The following BCAS3 variants were observed in gnomAD, a reference collection of about 807,000 sequenced individuals.
BCAS3 encodes the protein BCAS3 microtubule associated cell migration factor, also known as BCAS4/BCAS3 fusion.
In BCAS3, 53 loss-of-function variants were observed where a neutral mutation model predicts 116.1. The ratio of observed to expected loss-of-function variants is 0.46; its 90% CI spans 0.37 to 0.57. The LOEUF (loss-of-function observed/expected upper bound fraction) is 0.57, where lower values mean the gene tolerates loss of function less well. BCAS3 is among the 20% of genes least tolerant of loss of function. BCAS3 has a pLI of 0.00. For missense variants in BCAS3, 917 were observed against 1,165.4 expected (o/e 0.79, Z 3.10); for synonymous variants, 391 against 408.2 (o/e 0.96, Z 0.51).
At chr17:61,040,666 A>C in intron 18 of BCAS3, 126 bp from the exon 19 acceptor site, 1 of 769,238 alleles carries the variant, frequency 1.3e-6, no homozygotes, top group Non-Finnish European at 2.2e-6. Context: ...TAATGATTAC[A>C]AGTTCATTTT....
intron 10 of BCAS3, chr17:60,900,168 T>C (rs868293164): frequency 7.0e-6 from 1 of 142,130 alleles, no homozygotes; most frequent in South Asian, 2.2e-4. Flanking sequence ...CTGTGCAACA[T>C]AGTGAGACGC....
rs537876218 is a variant in BCAS3, at chr17:61,256,517, C to T, written c.2426-111810C>T. 9.2e-4 allele frequency among the ~76,000 whole-genome samples: 140 copies of T among 152,014 alleles called. No homozygotes were observed. Among genetic ancestry groups the T allele is most frequent in the Non-Finnish European group, 1.6e-3 (108 of 67,974 alleles). On this transcript the variant is annotated intron_variant, in intron 22 of 23. Coordinates refer to ENST00000407086, the MANE Select transcript of BCAS3 (RefSeq NM_017679.5). This position sits in a 1 kb window ranked among gnomAD's most constrained non-coding sequence, Gnocchi z 5.6. ...CAGGGTTTTGCCATGTTTGCCAGGC[C>T]GGTCTCAAACTCCTGGCCTCAAGTG...
Position 61,145,848 on chromosome 17 carries a change from C to T in BCAS3, c.2425+61284C>T, listed in dbSNP as rs138852655. Among the ~76,000 whole-genome samples the T allele has an allele frequency of 0.025, 2,991 of 118,518 alleles. 48 individuals are homozygous for T. Among genetic ancestry groups the T allele is most frequent in the Non-Finnish European group, 0.041 (2,294 of 56,064 alleles). 77.8% of individuals were successfully genotyped at this position (118,518 alleles called of 152,430 possible). On this transcript the variant is annotated intron_variant, in intron 22 of 23. Coordinates refer to ENST00000407086, the MANE Select transcript of BCAS3 (RefSeq NM_017679.5). This position sits in a 1 kb window ranked among gnomAD's most constrained non-coding sequence, Gnocchi z 5.0. ...TTAGGTTTGATTTGAACTTCATGTA[C>T]AAGACATATTTCATTTTTTTTTCTT...
intron 15 of BCAS3, among the ~76,000 whole-genome samples, chr17:61,014,461 AT>A (rs1442817521): frequency 6.6e-6 from 1 of 152,146 alleles, no homozygotes; most frequent in Non-Finnish European, 1.5e-5. Context: ...TGGAAAGGCA[AT>A]TAAAGGAGAA....
rs868072243 is a variant in BCAS3, at chr17:61,144,584, A to G, written c.2425+60020A>G. Among the ~76,000 whole-genome samples the G allele has an allele frequency of 2.0e-5, 3 of 152,198 alleles. No individual in the cohort carries two copies. Among genetic ancestry groups the G allele is most frequent in the African/African-American group, 7.2e-5 (3 of 41,456 alleles). Reference sequence around the variant, plus strand: ...AATGTTTGGCCTAATATTTTTTATAACATCTCTGTGAAAGTTTGAAAATTT... The same window carrying G: ...AATGTTTGGCCTAATATTTTTTATAGCATCTCTGTGAAAGTTTGAAAATTT... On this transcript the variant is annotated intron_variant, in intron 22 of 23. Coordinates refer to ENST00000407086, the MANE Select transcript of BCAS3 (RefSeq NM_017679.5). The surrounding 1 kb of genome is among the most constrained non-coding windows in gnomAD (Gnocchi z 5.0).
rs1417341089 is a variant in BCAS3 at position 60,990,239 on chromosome 17, A to G, written c.1486+4A>G. ...CCTTCTGGGTCACCCTTGCATGGTA[A>G]TTTTCTCTGTCTCCACTGTTATCTT... On this transcript the variant is annotated splice_donor_region_variant and intron_variant, in intron 15 of 23. Transcript: ENST00000407086. The surrounding 1 kb of genome is among the most constrained non-coding windows in gnomAD (Gnocchi z 5.1). 3.1e-6 allele frequency: 5 copies of G among 1,611,276 alleles called. No homozygotes were observed. Among genetic ancestry groups the G allele is most frequent in the South Asian group, 1.1e-5 (1 of 91,034 alleles).
chr17:60,843,075 C>T (rs529785084), intron 7 of BCAS3, among the ~76,000 whole-genome samples: 23 of 150,682 alleles, frequency 1.5e-4, no homozygotes, highest in Non-Finnish European at 2.4e-4. Flanking sequence ...GGTCTTGCTA[C>T]GCTACTAAGG....
intron 3 of BCAS3, among the ~76,000 whole-genome samples, chr17:60,687,070 AC>A (rs2034165910): frequency 6.6e-6 from 1 of 152,226 alleles, no homozygotes; most frequent in African/African-American, 2.4e-5. Context: ...ACAGAATGAC[AC>A]CTACAATGAT....
intron 5 of BCAS3, among the ~76,000 whole-genome samples, chr17:60,734,760 C>T (rs2040802727): frequency 1.3e-5 from 2 of 152,196 alleles, no homozygotes; most frequent in South Asian, 4.1e-4. Flanking sequence ...CAGATAGCAT[C>T]AGTGTTCTGA....
chr17:60,817,122 T>C (rs1165006516), intron 7 of BCAS3, among the ~76,000 whole-genome samples: 1 of 152,244 alleles, frequency 6.6e-6, no homozygotes, highest in East Asian at 1.9e-4. Flanking sequence ...ACATACTCTC[T>C]CTTACTGCAT....
rs1366217746 is a variant in BCAS3 at position 61,285,630 on chromosome 17, T to C, written c.2426-82697T>C. On this transcript the variant is annotated intron_variant, in intron 22 of 23. Transcript: ENST00000407086. The surrounding 1 kb of genome is among the most constrained non-coding windows in gnomAD (Gnocchi z 5.4). ...TGTAAATAATGTACTTCTAATTGGC[T>C]TTGATTAAGTGCAAATTAGAATCAC... Among the ~76,000 whole-genome samples, 1 of 152,240 alleles carries C rather than the reference T, an allele frequency of 6.6e-6. No individual in the cohort carries two copies. The highest frequency in any genetic ancestry group is 1.5e-5 in the Non-Finnish European group (1 of 68,046).
In BCAS3 at chr17:61,337,289, G is replaced by A. The variant is rs932170360; in HGVS notation, c.2426-31038G>A. 1.3e-5 allele frequency among the ~76,000 whole-genome samples: 2 copies of A among 152,176 alleles called. No individual in the cohort carries two copies. The highest frequency in any genetic ancestry group is 4.8e-5 in the African/African-American group (2 of 41,422). Reference sequence around the variant, plus strand: ...GTTCACGTATCTTGGGAAGTTATTGGTGGAGAGCACTGGTGTTCCTGGCTA... The same window carrying A: ...GTTCACGTATCTTGGGAAGTTATTGATGGAGAGCACTGGTGTTCCTGGCTA... On this transcript the variant is annotated intron_variant, in intron 22 of 23. Transcript: ENST00000407086. This position sits in a 1 kb window ranked among gnomAD's most constrained non-coding sequence, Gnocchi z 4.8.
intron 10 of BCAS3, among the ~76,000 whole-genome samples, chr17:60,898,030 G>A (rs755467572): frequency 5.3e-5 from 8 of 151,910 alleles, no homozygotes; most frequent in African/African-American, 1.5e-4. Flanking sequence ...ATGAGCCACT[G>A]TACCTGGCCA....
Position 60,702,037 on chromosome 17 carries a change from TAC to T in BCAS3, c.215-7168_215-7167del, listed in dbSNP as rs371649037. The stretch of plus-strand genomic sequence containing the variant: ...CTCTATGTATATATGTATGTATAGA[TAC>T]ACACACACACACAAATCTATTATAA... On this transcript the variant is annotated intron_variant, in intron 4 of 23. Transcript: ENST00000407086. Among the ~76,000 whole-genome samples, 120 of 151,574 alleles carry T rather than the reference TAC, an allele frequency of 7.9e-4. 3 individuals are homozygous for T. Among genetic ancestry groups the T allele is most frequent in the South Asian group, 4.2e-4 (2 of 4,798 alleles).
At chr17:61,148,446 G>T (rs1033779690) in intron 22 of BCAS3, among the ~76,000 whole-genome samples, 5 of 152,184 alleles carry the variant, frequency 3.3e-5, no homozygotes, top group African/African-American at 4.8e-5. Flanking sequence ...AGTGGTGGGG[G>T]TTATACAGCA....
At chr17:61,305,047 A>G (rs1185055615) in intron 22 of BCAS3, among the ~76,000 whole-genome samples, 3 of 152,056 alleles carry the variant, frequency 2.0e-5, no homozygotes, top group South Asian at 2.1e-4. Context: ...ATGAGCCACC[A>G]TGCCTGGCCC....
In BCAS3 at chr17:61,348,091, A is replaced by G. The variant is rs980451730; in HGVS notation, c.2426-20236A>G. Among the ~76,000 whole-genome samples, 1 of 152,240 alleles carries G rather than the reference A, an allele frequency of 6.6e-6. No homozygotes were observed. The highest frequency in any genetic ancestry group is 1.5e-5 in the Non-Finnish European group (1 of 68,038). On this transcript the variant is annotated intron_variant, in intron 22 of 23. Transcript: ENST00000407086. This position sits in a 1 kb window ranked among gnomAD's most constrained non-coding sequence, Gnocchi z 4.5. ...CGGAAAGACCAGTTTAAAGATTGCT[A>G]GAATAATCCCAATGAGAACTGGTAA... is the stretch of plus-strand genomic sequence containing the variant.
rs112356549 is a variant in BCAS3, at chr17:61,090,031, G to A, written c.2425+5467G>A. ...TCCATGGTCTTAGAGCTAGAACTGA[G>A]TGGAAAAAGCCATGACTTCATAATC... On this transcript the variant is annotated intron_variant, in intron 22 of 23. Transcript: ENST00000407086. Among the ~76,000 whole-genome samples the A allele has an allele frequency of 1.5e-3, 228 of 152,206 alleles. 1 individual carries two copies. Among genetic ancestry groups the A allele is most frequent in the African/African-American group, 4.6e-3 (192 of 41,536 alleles).
At chr17:60,700,198 C>T (rs1411801208) in intron 4 of BCAS3, among the ~76,000 whole-genome samples, 1 of 143,498 alleles carries the variant, frequency 7.0e-6, no homozygotes, top group Non-Finnish European at 1.5e-5. Context: ...AGCAGTTCAA[C>T]TCTTACGTGA....
Sources: allele counts gnomAD v4.1 joint callset (sites outside exome capture counted in the v4.1 genomes callset), GRCh38; gene constraint gnomAD v4.1.1; non-coding constraint Gnocchi (gnomAD v3.1); transcripts MANE v1.5; gene names NCBI Gene and HGNC (gene_info 2026-07-23, HGNC 2026-07-21).